GOT2: variants seen among roughly 807,000 people sequenced by gnomAD.
GOT2 encodes glutamic-oxaloacetic transaminase 2.
Under a neutral mutation model 50.0 loss-of-function variants are expected in GOT2, and 17 were observed. That is an observed-to-expected ratio of 0.34 (90% CI 0.23 to 0.51). GOT2 has a LOEUF of 0.51. Ranked by LOEUF, GOT2 falls within the 20% of genes least tolerant of loss-of-function variation. GOT2 has a pLI of 0.97. For missense variants in GOT2, 430 were observed against 559.6 expected (o/e 0.77, Z 2.34); for synonymous variants, 172 against 204.9 (o/e 0.84, Z 1.37).
rs75893818 is a variant in GOT2 at position 58,729,659 on chromosome 16, A to C, written c.89+4481T>G. On this transcript the variant is annotated intron_variant, in intron 1 of 9. Transcript: ENST00000245206. ...AAGCACTTATTTTTCAAGTTCTTTA[A>C]AATGTTAAGCATAGAAACTCAGAAA... is the stretch of plus-strand genomic sequence containing the variant. Among the ~76,000 whole-genome samples the C allele has an allele frequency of 8.3e-3, 1,262 of 152,252 alleles. 18 individuals carry two copies. The highest frequency in any genetic ancestry group is 0.029 in the African/African-American group (1,209 of 41,544).
At chr16:58,720,861 C>T (rs1488781829) in intron 3 of GOT2, among the ~76,000 whole-genome samples, 2 of 152,234 alleles carry the variant, frequency 1.3e-5, no homozygotes, top group East Asian at 1.9e-4. Flanking sequence ...GCTGGGATTA[C>T]AGGAGTGAGC....
At position 58,708,200 on chromosome 16, in the gene GOT2, C is replaced by A; in HGVS notation, c.1264G>T (p.Ala422Ser). Residue 422 changes from alanine (A) to serine (S), a missense_variant, in exon 10 of 10, where the codon GCC (alanine) becomes TCC (serine). Physicochemically the swap from Ala to Ser is moderately conservative, Grantham distance 99. Transcript: ENST00000245206. Reference sequence around the variant, plus strand: ...TTGGTGACCTGGTGAATGGCATGGGCAAGGTAGCCCACGTTGCTGGAGGTG... The same window carrying A: ...TTGGTGACCTGGTGAATGGCATGGGAAAGGTAGCCCACGTTGCTGGAGGTG... ...GVTSSNVGYL[A>S]HAIHQVTK 6.2e-7 allele frequency: 1 copy of A among 1,614,138 alleles called. No individual in the cohort carries two copies. Among genetic ancestry groups the A allele is most frequent in the Non-Finnish European group, 8.5e-7 (1 of 1,179,998 alleles).
chr16:58,708,100 G>A lies in GOT2; in HGVS notation c.*71C>T, dbSNP rs1567483872. On this transcript the variant is annotated 3_prime_UTR_variant, in exon 10 of 10. Coordinates refer to ENST00000245206, the MANE Select transcript of GOT2 (RefSeq NM_002080.4). ...TCACCACCATCCACCCTCTCTCATT[G>A]TCTGTGTGAAGCTCTCAATAGCAGA... 1 of 1,483,884 alleles carries A rather than the reference G, an allele frequency of 6.7e-7. No individual in the cohort carries two copies. The highest frequency in any genetic ancestry group is 9.3e-7 in the Non-Finnish European group (1 of 1,077,920). The allele number at this position is 1,483,884 out of a possible 1,614,324, so 91.9% of individuals were successfully genotyped here. A position where few individuals can be genotyped will look rare whatever the true frequency, so the allele number is the denominator to read the frequency against.
chr16:58,727,913 C>T (rs1335553849), intron 1 of GOT2, among the ~76,000 whole-genome samples: 3 of 152,142 alleles, frequency 2.0e-5, no homozygotes, highest in Non-Finnish European at 2.9e-5. Context: ...CAGTATGGTA[C>T]CATGGAAGTT....
chr16:58,719,055 A>C, intron 4 of GOT2, 141 bp downstream of exon 4: 2 of 673,858 alleles, frequency 3.0e-6, no homozygotes, highest in Admixed American at 2.6e-5. Flanking sequence ...AAGTCCTTTC[A>C]TTTTTTCATG....
intron 5 of GOT2, 69 bp from the exon 6 acceptor site, chr16:58,718,369 G>A: frequency 7.1e-7 from 1 of 1,410,132 alleles, no homozygotes; most frequent in Non-Finnish European, 1.0e-6. Flanking sequence ...AAATGCCACA[G>A]GATCGTCATC....
intron 5 of GOT2, 49 bp from the exon 6 acceptor site, chr16:58,718,349 G>T: frequency 6.7e-7 from 1 of 1,487,288 alleles, no homozygotes; most frequent in Non-Finnish European, 9.4e-7. Context: ...TAAAGGAAAT[G>T]GTTTATCTGA....
intron 1 of GOT2, among the ~76,000 whole-genome samples, chr16:58,733,280 G>A (rs977982145): frequency 6.6e-6 from 1 of 152,030 alleles, no homozygotes; most frequent in Non-Finnish European, 1.5e-5. Context: ...ACGAAATTAC[G>A]TTTGTCATTT....
intron 1 of GOT2, among the ~76,000 whole-genome samples, chr16:58,727,588 G>C (rs2044797723): frequency 6.6e-6 from 1 of 152,112 alleles, no homozygotes; most frequent in African/African-American, 2.4e-5. Context: ...ATGCAGGCTG[G>C]GCACTGCAGG....
intron 1 of GOT2, chr16:58,733,793 C>G (rs910115071): frequency 8.4e-6 from 2 of 237,562 alleles, no homozygotes; most frequent in African/African-American, 4.5e-5. Context: ...ACGGTCGTTA[C>G]CCGGCGCCGC....
rs1475661043 is a variant in GOT2 at position 58,718,617 on chromosome 16, G to A, written c.507C>T (p.Phe169=). 3 of 1,611,384 alleles carry A rather than the reference G, an allele frequency of 1.9e-6. No homozygotes were observed. Among genetic ancestry groups the A allele is most frequent in the Non-Finnish European group, 2.5e-6 (3 of 1,178,462 alleles). The change falls in exon 5 of 10, where the codon TTC becomes TTT. Residue 169 remains phenylalanine, a synonymous_variant. Transcript: ENST00000245206. ...KPTWGNHTPI[F]RDAGMQLQGY... ...CTTGTAGCTGCATGCCAGCATCCCT[G>A]AAGATGGGTGTGTGGTTTCCCCAGG...
At chr16:58,708,404 G>A in intron 9 of GOT2, 111 bp from the exon 10 acceptor site, 3 of 1,057,798 alleles carry the variant, frequency 2.8e-6, no homozygotes, top group Non-Finnish European at 4.0e-6. Context: ...CTTAAAACCT[G>A]TTCCCAGAAT....
At chr16:58,718,081 G>T in intron 6 of GOT2, 115 bp downstream of exon 6, 9 of 785,408 alleles carry the variant, frequency 1.1e-5, no homozygotes, top group South Asian at 5.6e-5. Flanking sequence ...ATCCACCTGT[G>T]TGGACATTTC....
chr16:58,726,738 T>C (rs967963478), intron 1 of GOT2, among the ~76,000 whole-genome samples: 15 of 151,680 alleles, frequency 9.9e-5, no homozygotes, highest in African/African-American at 3.4e-4. Flanking sequence ...TCCACCCACC[T>C]TGGCCTCCCA....
At chr16:58,733,997 AG>A in intron 1 of GOT2, 142 bp downstream of exon 1, 1 of 406,782 alleles carries the variant, frequency 2.5e-6, no homozygotes. Flanking sequence ...GGGAAAGCCG[AG>A]GGGGTGGCAG....
intron 1 of GOT2, 77 bp downstream of exon 1, chr16:58,734,063 G>A: frequency 1.3e-6 from 1 of 748,528 alleles, no homozygotes; most frequent in East Asian, 3.2e-5. Flanking sequence ...GCCGGGAGGG[G>A]TGAATGTCCT....
intron 1 of GOT2, among the ~76,000 whole-genome samples, chr16:58,727,205 T>C (rs903426164): frequency 3.9e-5 from 6 of 152,108 alleles, no homozygotes; most frequent in Non-Finnish European, 1.5e-5. Context: ...CAGGCTGAAG[T>C]GCAGCCTTGA....
At position 58,708,304 on chromosome 16, in the gene GOT2, G is replaced by A; in HGVS notation, c.1171-11C>T. 1 of 1,613,038 alleles carries A rather than the reference G, an allele frequency of 6.2e-7. No homozygotes were observed. The highest frequency in any genetic ancestry group is 8.5e-7 in the Non-Finnish European group (1 of 1,179,504). Reference sequence around the variant, plus strand: ...GATCAGCCGCTCCACCTGCAGAGAGGAAAGAACTTGGGTACCTCTTCCCGG... The same window carrying A: ...GATCAGCCGCTCCACCTGCAGAGAGAAAAGAACTTGGGTACCTCTTCCCGG... On this transcript the variant is annotated splice_polypyrimidine_tract_variant and intron_variant, in intron 9 of 9. Coordinates refer to ENST00000245206, the MANE Select transcript of GOT2 (RefSeq NM_002080.4).
At chr16:58,718,504 C>G (rs369233922) in intron 5 of GOT2, 23 bp downstream of exon 5, 2 of 1,555,852 alleles carry the variant, frequency 1.3e-6, no homozygotes, top group African/African-American at 2.8e-5. Context: ...ATTCACCTCT[C>G]TCACCCTGAA....
Sources: gnomAD v4.1 joint callset for allele counts (sites outside exome capture counted in the v4.1 genomes callset) on GRCh38, gnomAD v4.1.1 for gene constraint, MANE v1.5 for transcripts, NCBI Gene and HGNC (gene_info 2026-07-23, HGNC 2026-07-21) for gene names.